Variants in PLXDC2 observed in about 807,000 individuals in gnomAD.
PLXDC2 encodes the protein plexin domain containing 2.
In PLXDC2, 40 loss-of-function variants were observed where a neutral mutation model predicts 68.9. That is an observed-to-expected ratio of 0.58 (90% CI 0.45 to 0.76). PLXDC2 has a LOEUF of 0.76. Among genes scored for constraint, PLXDC2 ranks in the 30% least tolerant of loss-of-function variants. PLXDC2 has a pLI of 0.00. For synonymous variants in PLXDC2, 243 were observed against 234.2 expected (o/e 1.04, Z -0.34); for missense variants, 644 against 661.9 (o/e 0.97, Z 0.30).
At chr10:20,023,296 C>T (rs1435474993) in intron 2 of PLXDC2, among the ~76,000 whole-genome samples, 2 of 151,994 alleles carry the variant, frequency 1.3e-5, no homozygotes, top group Non-Finnish European at 2.9e-5. Flanking sequence ...TTGGGAACTA[C>T]TGCTTTACAA....
At chr10:19,881,791 G>A (rs1172884684) in intron 1 of PLXDC2, among the ~76,000 whole-genome samples, 2 of 152,276 alleles carry the variant, frequency 1.3e-5, no homozygotes, top group East Asian at 1.9e-4. Context: ...GTTTCCTGTT[G>A]TAGAAGGCAT....
chr10:20,206,362 G>T (rs1834991715), intron 9 of PLXDC2, among the ~76,000 whole-genome samples: 5 of 152,052 alleles, frequency 3.3e-5, no homozygotes, highest in Admixed American at 2.6e-4. Flanking sequence ...CTTGGTGTTG[G>T]GGGGTCTCTG....
chr10:20,230,546 C>T (rs1347282874), intron 12 of PLXDC2, among the ~76,000 whole-genome samples: 1 of 151,512 alleles, frequency 6.6e-6, no homozygotes, highest in Non-Finnish European at 1.5e-5. Flanking sequence ...GTGGCGTGCA[C>T]TTGTAGTCCC....
At chr10:20,209,081 A>C (rs149874892) in intron 9 of PLXDC2, among the ~76,000 whole-genome samples, 3,495 of 152,246 alleles carry the variant, frequency 0.023, 125 homozygotes, top group African/African-American at 0.079. Context: ...TTGCTAATGA[A>C]GTTTCGGGCA....
At chr10:19,952,512 A>G (rs541765194) in intron 1 of PLXDC2, among the ~76,000 whole-genome samples, 5 of 152,338 alleles carry the variant, frequency 3.3e-5, no homozygotes, top group South Asian at 4.1e-4. Flanking sequence ...AAATTAAACA[A>G]TCTTTGGCTG....
intron 12 of PLXDC2, among the ~76,000 whole-genome samples, chr10:20,241,633 A>T (rs923764969): frequency 5.9e-5 from 9 of 152,026 alleles, no homozygotes; most frequent in African/African-American, 1.2e-4. Context: ...AAAAAAATTA[A>T]CCAGGCATGG....
At chr10:19,867,727 C>G (rs1406975262) in intron 1 of PLXDC2, among the ~76,000 whole-genome samples, 1 of 152,038 alleles carries the variant, frequency 6.6e-6, no homozygotes, top group Non-Finnish European at 1.5e-5. Context: ...AACAGCATCA[C>G]ATCTTCAAAT....
intron 6 of PLXDC2, among the ~76,000 whole-genome samples, chr10:20,162,071 A>AAGGAAGGAAG (rs1339276179): frequency 1.4e-3 from 61 of 44,896 alleles, no homozygotes; most frequent in African/African-American, 2.2e-3. Context: ...AGAGAGAGAG[A>AAGGAAGGAAG]GAAGGAAGGA....
At chr10:19,839,842 T>C (rs1207835471) in intron 1 of PLXDC2, among the ~76,000 whole-genome samples, 2 of 152,218 alleles carry the variant, frequency 1.3e-5, no homozygotes, top group African/African-American at 4.8e-5. Flanking sequence ...GTTACATATG[T>C]ATTAACATCT....
At chr10:20,143,473 C>T in intron 5 of PLXDC2, 56 bp downstream of exon 5, 3 of 1,597,798 alleles carry the variant, frequency 1.9e-6, no homozygotes, top group South Asian at 2.2e-5. Flanking sequence ...CCTCAAGCAT[C>T]AGATTCATGT....
chr10:20,044,204 T>C lies in PLXDC2; in HGVS notation c.325-2665T>C, dbSNP rs1165439587. On this transcript the variant is annotated intron_variant, in intron 2 of 13. Coordinates refer to ENST00000377252, the MANE Select transcript of PLXDC2 (RefSeq NM_032812.9). ...TTCTTTCTTTCTTTCTCTCTCTCTCTCTCTCTGTCTTTCTTTCTTTCTTTC... is the reference window on the plus strand; with the variant it reads ...TTCTTTCTTTCTTTCTCTCTCTCTCCCTCTCTGTCTTTCTTTCTTTCTTTC... Among the ~76,000 whole-genome samples the C allele has an allele frequency of 1.2e-3, 162 of 138,392 alleles. 9 individuals carry two copies. The highest frequency in any genetic ancestry group is 4.4e-3 in the African/African-American group (147 of 33,638). The allele number at this position is 138,392 out of a possible 152,430, so 90.8% of individuals were successfully genotyped here. A position where few individuals can be genotyped will look rare whatever the true frequency, so the allele number is the denominator to read the frequency against.
At chr10:20,057,167 A>G (rs1322400296) in intron 3 of PLXDC2, among the ~76,000 whole-genome samples, 1 of 152,220 alleles carries the variant, frequency 6.6e-6, no homozygotes, top group Admixed American at 6.5e-5. Flanking sequence ...TAAAGTTATT[A>G]AATGATAAAG....
intron 4 of PLXDC2, among the ~76,000 whole-genome samples, chr10:20,083,566 A>G (rs1387476528): frequency 6.6e-6 from 1 of 152,034 alleles, no homozygotes; most frequent in African/African-American, 2.4e-5. Flanking sequence ...CTGGATAGGA[A>G]TAATTTCTGC....
At chr10:19,838,060 A>G (rs1474328873) in intron 1 of PLXDC2, among the ~76,000 whole-genome samples, 1 of 152,100 alleles carries the variant, frequency 6.6e-6, no homozygotes, top group Non-Finnish European at 1.5e-5. Flanking sequence ...GTGCAGTGGT[A>G]CGATCATGAC....
At chr10:19,879,338 C>A (rs1305815108) in intron 1 of PLXDC2, among the ~76,000 whole-genome samples, 5 of 152,086 alleles carry the variant, frequency 3.3e-5, no homozygotes, top group Admixed American at 2.6e-4. Flanking sequence ...AGAATGTACT[C>A]AGCCAAGGTT....
intron 3 of PLXDC2, among the ~76,000 whole-genome samples, chr10:20,058,541 G>C (rs1836042598): frequency 6.6e-6 from 1 of 152,126 alleles, no homozygotes; most frequent in Non-Finnish European, 1.5e-5. Flanking sequence ...TAGTGTCCAA[G>C]ATATCTGTTA....
intron 1 of PLXDC2, among the ~76,000 whole-genome samples, chr10:19,882,940 T>C (rs200517049): frequency 0.43 from 42,731 of 99,730 alleles, 6,914 homozygotes; most frequent in African/African-American, 0.58. Flanking sequence ...TTAAAATTTT[T>C]TTTTTTTTTT....
intron 2 of PLXDC2, among the ~76,000 whole-genome samples, chr10:20,034,712 A>T (rs573022035): frequency 6.6e-6 from 1 of 152,224 alleles, no homozygotes; most frequent in Admixed American, 6.5e-5. Context: ...TACATACAAC[A>T]TTTCTGTCAA....
At chr10:19,919,447 C>T (rs1414059601) in intron 1 of PLXDC2, among the ~76,000 whole-genome samples, 1 of 152,164 alleles carries the variant, frequency 6.6e-6, no homozygotes, top group Non-Finnish European at 1.5e-5. Context: ...AAAATATCTG[C>T]AGCTTGGAAG....
Sources: gnomAD v4.1 joint callset for allele counts (sites outside exome capture counted in the v4.1 genomes callset) on GRCh38, gnomAD v4.1.1 for gene constraint, MANE v1.5 for transcripts, NCBI Gene and HGNC (gene_info 2026-07-23, HGNC 2026-07-21) for gene names.